The following PRKN variants were observed in gnomAD, a reference collection of about 807,000 sequenced individuals.
The protein encoded by PRKN is E3 ubiquitin-protein ligase parkin.
Under a neutral mutation model 59.5 loss-of-function variants are expected in PRKN, and 56 were observed. That is an observed-to-expected ratio of 0.94 (90% CI 0.76 to 1.18). The LOEUF (loss-of-function observed/expected upper bound fraction) is 1.18. PRKN is among the 50% of genes most tolerant of loss of function. The probability of loss-of-function intolerance (pLI) is 0.00; values close to 1 mark genes in which losing one functional copy is unlikely to be tolerated. For missense variants in PRKN, 657 were observed against 596.4 expected (o/e 1.10, Z -1.06); for synonymous variants, 250 against 222.1 (o/e 1.13, Z -1.12).
intron 7 of PRKN, among the ~76,000 whole-genome samples, chr6:161,718,276 C>G (rs902033833): frequency 5.8e-4 from 89 of 152,162 alleles, no homozygotes; most frequent in African/African-American, 2.1e-3. Flanking sequence ...CCAAGAGGCA[C>G]CTCAAACCCT....
At chr6:162,310,185 T>G (rs1782430668) in intron 2 of PRKN, among the ~76,000 whole-genome samples, 1 of 152,160 alleles carries the variant, frequency 6.6e-6, no homozygotes, top group Non-Finnish European at 1.5e-5. Flanking sequence ...CATCTTAATT[T>G]TTGCCACCAA....
At chr6:162,663,498 G>A (rs1778978520) in intron 1 of PRKN, among the ~76,000 whole-genome samples, 1 of 152,134 alleles carries the variant, frequency 6.6e-6, no homozygotes, top group African/African-American at 2.4e-5. Context: ...ACTGCTGCAT[G>A]TCCAGAGGAA....
intron 3 of PRKN, among the ~76,000 whole-genome samples, chr6:162,221,578 C>G (rs1488751851): frequency 6.6e-6 from 1 of 152,142 alleles, no homozygotes; most frequent in Non-Finnish European, 1.5e-5. Context: ...GAGCTAGGCT[C>G]AACTGCTCCA....
chr6:161,640,054 C>A (rs1302603052), intron 7 of PRKN, among the ~76,000 whole-genome samples: 2 of 152,222 alleles, frequency 1.3e-5, no homozygotes, highest in African/African-American at 2.4e-5. Context: ...CTCCTGGGGA[C>A]TGCAGTGGTC....
intron 2 of PRKN, among the ~76,000 whole-genome samples, chr6:162,331,555 A>G (rs965893132): frequency 6.6e-6 from 1 of 152,112 alleles, no homozygotes; most frequent in Non-Finnish European, 1.5e-5. Flanking sequence ...TCATTTCTTC[A>G]GCATTTGTAC....
chr6:162,163,766 C>A (rs1782859186), intron 4 of PRKN, among the ~76,000 whole-genome samples: 1 of 148,492 alleles, frequency 6.7e-6, no homozygotes, highest in East Asian at 1.9e-4. Context: ...AGGGAGGGAG[C>A]GCCTTGCACA....
chr6:161,723,552 G>T (rs1340197530), intron 7 of PRKN, among the ~76,000 whole-genome samples: 1 of 152,064 alleles, frequency 6.6e-6, no homozygotes, highest in Non-Finnish European at 1.5e-5. Context: ...CCTATGCAGG[G>T]TCCATGGGCA....
Position 161,350,193 on chromosome 6 carries a change from T to C in PRKN, c.1304A>G (p.Lys435Arg). Residue 435 changes from lysine to arginine, a missense_variant, in exon 12 of 12, where the codon AAG becomes AGG. Coordinates refer to ENST00000366898, the MANE Select transcript of PRKN (RefSeq NM_004562.3). ...VEKNGGCMHM[K>R]CPQPQCRLEW... ...GAGCCTGCACTGGGGCTGCGGACAC[T>C]TCATGTGCATGCAGCCTCCTGTTGG... is the stretch of plus-strand genomic sequence containing the variant. 6.2e-7 allele frequency: 1 copy of C among 1,613,232 alleles called. No homozygotes were observed. Among genetic ancestry groups the C allele is most frequent in the Middle Eastern group, 1.7e-4 (1 of 6,060 alleles).
chr6:161,668,236 A>T (rs1422388811), intron 7 of PRKN, among the ~76,000 whole-genome samples: 1 of 151,596 alleles, frequency 6.6e-6, no homozygotes. Flanking sequence ...CCATTAAAAA[A>T]AAAAAGAAGA....
chr6:161,928,855 G>A (rs965041297), intron 6 of PRKN, among the ~76,000 whole-genome samples: 7 of 152,046 alleles, frequency 4.6e-5, no homozygotes, highest in Non-Finnish European at 8.8e-5. Flanking sequence ...GTTAACATGG[G>A]GACTCATGAG....
At chr6:162,338,605 C>T (rs1296712577) in intron 2 of PRKN, among the ~76,000 whole-genome samples, 1 of 152,024 alleles carries the variant, frequency 6.6e-6, no homozygotes, top group African/African-American at 2.4e-5. Flanking sequence ...CTCACTACAA[C>T]CTACACCTCC....
chr6:162,143,323 C>G (rs1408560100), intron 4 of PRKN, among the ~76,000 whole-genome samples: 1 of 152,188 alleles, frequency 6.6e-6, no homozygotes, highest in Non-Finnish European at 1.5e-5. Flanking sequence ...TCTTTATCAG[C>G]AATTCTCCTT....
At chr6:161,427,154 G>A (rs1418340313) in intron 9 of PRKN, among the ~76,000 whole-genome samples, 2 of 152,112 alleles carry the variant, frequency 1.3e-5, no homozygotes, top group Non-Finnish European at 2.9e-5. Flanking sequence ...TGGTAGCTGG[G>A]ACTACTGATA....
intron 1 of PRKN, among the ~76,000 whole-genome samples, chr6:162,469,358 G>A (rs1329881746): frequency 8.0e-6 from 1 of 125,412 alleles, no homozygotes; most frequent in Non-Finnish European, 1.7e-5. Flanking sequence ...GCAGGGGGGG[G>A]TGGGTGACAG....
chr6:161,709,182 C>A (rs540113336), intron 7 of PRKN, among the ~76,000 whole-genome samples: 2 of 152,170 alleles, frequency 1.3e-5, no homozygotes, highest in South Asian at 4.2e-4. Flanking sequence ...AAATAGTAAT[C>A]CAAATACTCT....
chr6:162,324,939 A>AACAAT (rs1203318380), intron 2 of PRKN, among the ~76,000 whole-genome samples: 1 of 152,090 alleles, frequency 6.6e-6, no homozygotes, highest in African/African-American at 2.4e-5. Flanking sequence ...AACAAAACAA[A>AACAAT]ACAAAACAAA....
chr6:162,174,962 T>C (rs1783463353), intron 4 of PRKN, among the ~76,000 whole-genome samples: 1 of 152,236 alleles, frequency 6.6e-6, no homozygotes, highest in Non-Finnish European at 1.5e-5. Context: ...AGTTTTTAGA[T>C]AACTTGGAAA....
chr6:161,912,061 C>T (rs1193717816), intron 6 of PRKN, among the ~76,000 whole-genome samples: 1 of 151,722 alleles, frequency 6.6e-6, no homozygotes, highest in African/African-American at 2.4e-5. Context: ...ACCTGTAATC[C>T]CAACTACTTG....
intron 3 of PRKN, among the ~76,000 whole-genome samples, chr6:162,215,381 A>G (rs1483332160): frequency 6.6e-6 from 1 of 152,204 alleles, no homozygotes; most frequent in Non-Finnish European, 1.5e-5. Context: ...AACTGGCCTT[A>G]AAATAACTTA....
Sources: allele counts gnomAD v4.1 joint callset (sites outside exome capture counted in the v4.1 genomes callset), GRCh38; gene constraint gnomAD v4.1.1; transcripts MANE v1.5; gene names NCBI Gene and HGNC (gene_info 2026-07-23, HGNC 2026-07-21).